MAGI2: variants seen among roughly 807,000 people sequenced by gnomAD.
The protein encoded by MAGI2 is membrane-associated guanylate kinase, WW and PDZ domain-containing protein 2.
In MAGI2, 35 loss-of-function variants were observed where a neutral mutation model predicts 133.3. The observed-to-expected ratio is 0.26, with a 90% CI of 0.20 to 0.35. The LOEUF (loss-of-function observed/expected upper bound fraction) is 0.35, where lower values mean the gene tolerates loss of function less well. MAGI2 is among the 10% of genes least tolerant of loss of function. MAGI2 has a pLI of 1.00. For synonymous variants in MAGI2, 729 were observed against 710.6 expected, an observed-to-expected ratio of 1.03 and a Z score of -0.41; for missense variants, 1,636 against 1,863.4, an observed-to-expected ratio of 0.88 and a Z score of 2.25.
intron 1 of MAGI2, among the ~76,000 whole-genome samples, chr7:79,214,607 G>T (rs1829846418): frequency 7.3e-6 from 1 of 136,346 alleles, no homozygotes; most frequent in African/African-American, 2.7e-5. Context: ...GCAAACAAAA[G>T]AAAAATTTAT....
intron 16 of MAGI2, 164 bp downstream of exon 16, chr7:78,159,861 G>T: frequency 2.5e-6 from 2 of 794,624 alleles, no homozygotes; most frequent in Non-Finnish European, 3.7e-6. Context: ...GTAACTGTCT[G>T]CTAGTCAGTG....
chr7:78,284,226 T>C, intron 9 of MAGI2, among the ~76,000 whole-genome samples: 1 of 152,186 alleles, frequency 6.6e-6, no homozygotes, highest in East Asian at 1.9e-4. Flanking sequence ...CCTAGGCAAA[T>C]GTTTTTTTAA....
chr7:78,795,082 G>A (rs557115849), intron 2 of MAGI2, among the ~76,000 whole-genome samples: 1 of 151,958 alleles, frequency 6.6e-6, no homozygotes, highest in African/African-American at 2.4e-5. Flanking sequence ...ATTGAAAAGA[G>A]AAAGAAATAA....
chr7:79,227,898 GT>G (rs1381429483), intron 1 of MAGI2, among the ~76,000 whole-genome samples: 1 of 152,132 alleles, frequency 6.6e-6, no homozygotes, highest in Non-Finnish European at 1.5e-5. Flanking sequence ...TCTAGGTCTT[GT>G]GACAAAATGC....
chr7:79,090,883 C>T (rs1362093342), intron 1 of MAGI2, among the ~76,000 whole-genome samples: 2 of 152,084 alleles, frequency 1.3e-5, no homozygotes, highest in East Asian at 1.9e-4. Flanking sequence ...TCATCCCTCA[C>T]ACTATGACCA....
chr7:79,408,158 T>C (rs1380755557), intron 1 of MAGI2, among the ~76,000 whole-genome samples: 4 of 152,098 alleles, frequency 2.6e-5, no homozygotes, highest in Non-Finnish European at 5.9e-5. Context: ...TGCTAAATGT[T>C]TTGTGTACTG....
At chr7:79,283,294 TA>T (rs937960095) in intron 1 of MAGI2, among the ~76,000 whole-genome samples, 25 of 152,214 alleles carry the variant, frequency 1.6e-4, no homozygotes, top group Non-Finnish European at 2.6e-4. Context: ...TGACATTTTT[TA>T]AAAAATGATA....
At chr7:79,262,619 G>T (rs1465146483) in intron 1 of MAGI2, among the ~76,000 whole-genome samples, 2 of 152,106 alleles carry the variant, frequency 1.3e-5, no homozygotes, top group African/African-American at 4.8e-5. Flanking sequence ...CTGAAGCAAA[G>T]AATAGATGGA....
At chr7:78,322,847 T>C (rs1788151581) in intron 9 of MAGI2, among the ~76,000 whole-genome samples, 1 of 152,158 alleles carries the variant, frequency 6.6e-6, no homozygotes, top group South Asian at 2.1e-4. Flanking sequence ...AGTCTTAAGT[T>C]GTCCTGTCTT....
At chr7:78,610,729 A>G (rs1429404549) in intron 3 of MAGI2, among the ~76,000 whole-genome samples, 2 of 152,220 alleles carry the variant, frequency 1.3e-5, no homozygotes, top group African/African-American at 2.4e-5. Flanking sequence ...ATAGAATTTC[A>G]TATGACTTAT....
At chr7:79,333,639 T>C (rs905944393) in intron 1 of MAGI2, among the ~76,000 whole-genome samples, 3 of 152,202 alleles carry the variant, frequency 2.0e-5, no homozygotes, top group Non-Finnish European at 4.4e-5. Flanking sequence ...TTTTCTTTTT[T>C]AAAAAACTTT....
intron 9 of MAGI2, among the ~76,000 whole-genome samples, chr7:78,280,831 TGATCTTCA>T (rs1229560002): frequency 2.5e-4 from 32 of 129,290 alleles, no homozygotes; most frequent in African/African-American, 8.2e-4. Context: ...CCTTTTAACT[TGATCTTCA>T]GGTGATGGGT....
Position 78,168,009 on chromosome 7 carries a change from C to G in MAGI2, c.2503G>C (p.Gly835Arg). Residue 835 changes from glycine (G) to arginine (R), a missense_variant, in exon 15 of 22, where the codon GGC becomes CGC. Gly to Arg is a moderately radical substitution (Grantham distance 125). Transcript: ENST00000354212. ...TCGATGACATAGCGGTGGGTTTTGC[C>G]GGCTACTGGAATCCCATCAACATAC... ...LVYVDGIPVAGKTHRYVIDLM... is the reference protein window; with the variant it reads ...LVYVDGIPVARKTHRYVIDLM... 1 of 1,614,098 alleles carries G rather than the reference C, an allele frequency of 6.2e-7. No individual in the cohort carries two copies. The highest frequency in any genetic ancestry group is 8.5e-7 in the Non-Finnish European group (1 of 1,180,028).
intron 2 of MAGI2, among the ~76,000 whole-genome samples, chr7:78,641,689 G>A (rs1810330831): frequency 6.6e-6 from 1 of 152,072 alleles, no homozygotes; most frequent in Non-Finnish European, 1.5e-5. Flanking sequence ...CATTTCATGT[G>A]TCAATTTTTT....
intron 1 of MAGI2, among the ~76,000 whole-genome samples, chr7:79,372,558 G>A (rs1044541820): frequency 6.6e-6 from 1 of 151,844 alleles, no homozygotes; most frequent in Non-Finnish European, 1.5e-5. Context: ...AACAAAAGAC[G>A]GCATGTAGTT....
In MAGI2 at chr7:78,083,387, G is replaced by GGAGAGAGAGAGAGAGA. The variant is rs747230358; in HGVS notation, c.3568-4318_3568-4303dup. Among the ~76,000 whole-genome samples, 147 of 33,294 alleles carry GGAGAGAGAGAGAGAGA rather than the reference G, an allele frequency of 4.4e-3. 1 individual carries two copies. Among genetic ancestry groups the GGAGAGAGAGAGAGAGA allele is most frequent in the East Asian group, 7.9e-3 (6 of 760 alleles). 21.8% of individuals were successfully genotyped at this position (33,294 alleles called of 152,430 possible). A position where few individuals can be genotyped will look rare whatever the true frequency, so the allele number is the denominator to read the frequency against. ...GGGGGCGGGGGAGGGAGGGAGGGGG[G>GGAGAGAGAGAGAGAGA]GAGAGAGAGAGAGAGAGAGAGAGAG... On this transcript the variant is annotated intron_variant, in intron 20 of 21. Coordinates refer to ENST00000354212, the MANE Select transcript of MAGI2 (RefSeq NM_012301.4).
chr7:78,876,799 T>A (rs1795458981), intron 2 of MAGI2, among the ~76,000 whole-genome samples: 1 of 152,250 alleles, frequency 6.6e-6, no homozygotes, highest in Non-Finnish European at 1.5e-5. Flanking sequence ...GCCTAAAGGC[T>A]ATGGAATTTT....
chr7:78,637,225 G>A (rs910743389), intron 2 of MAGI2, among the ~76,000 whole-genome samples: 1 of 152,168 alleles, frequency 6.6e-6, no homozygotes, highest in Non-Finnish European at 1.5e-5. Context: ...GTCATGAGGA[G>A]TATTTTTCAT....
At chr7:79,233,987 C>G (rs1248563426) in intron 1 of MAGI2, among the ~76,000 whole-genome samples, 1 of 144,588 alleles carries the variant, frequency 6.9e-6, no homozygotes, top group Non-Finnish European at 1.5e-5. Context: ...TAGGGCAGGC[C>G]TGGTGGTGAC....
Sources: allele counts gnomAD v4.1 joint callset (sites outside exome capture counted in the v4.1 genomes callset), GRCh38; gene constraint gnomAD v4.1.1; transcripts MANE v1.5; gene names NCBI Gene and HGNC (gene_info 2026-07-23, HGNC 2026-07-21).